The following PCDHA11 variants were observed in gnomAD, a reference collection of about 807,000 sequenced individuals.
PCDHA11 encodes the protein protocadherin alpha-11.
PCDHA11 carries 61 observed loss-of-function variants against 70.3 expected under a neutral mutation model. That is an observed-to-expected ratio of 0.87 (90% CI 0.71 to 1.07). PCDHA11 has a LOEUF of 1.07. Ranked by LOEUF, PCDHA11 falls within the 50% of genes least tolerant of loss-of-function variation. PCDHA11 has a pLI of 0.00. For synonymous variants in PCDHA11, 633 were observed against 555.1 expected, an observed-to-expected ratio of 1.14 and a Z score of -1.97; for missense variants, 1,324 against 1,237.5, an observed-to-expected ratio of 1.07 and a Z score of -1.05.
In PCDHA11 at chr5:141,009,726, C is replaced by A. The variant is rs373683237; in HGVS notation, c.2639C>A (p.Pro880His). Residue 880 changes from proline to histidine, a missense_variant, in exon 4 of 4, where the codon CCC (proline) becomes CAC (histidine). By Grantham distance (77) the Pro-to-His change is moderately conservative (BLOSUM62 -2). Coordinates refer to ENST00000398640, the MANE Select transcript of PCDHA11 (RefSeq NM_018902.5). ...YGPGNPKQSGPGELPDKFIIP... is the reference protein window; with the variant it reads ...YGPGNPKQSGHGELPDKFIIP... The stretch of plus-strand genomic sequence containing the variant: ...CCAGGCAACCCCAAACAATCCGGTC[C>A]CGGTGAGTTGCCCGACAAATTCATT... 85 of 1,614,016 alleles carry A rather than the reference C, an allele frequency of 5.3e-5. No individual in the cohort carries two copies. Among genetic ancestry groups the A allele is most frequent in the Non-Finnish European group, 4.4e-5 (52 of 1,180,032 alleles).
chr5:140,926,884 A>G, intron 1 of PCDHA11: 7 of 1,542,402 alleles, frequency 4.5e-6, no homozygotes, highest in Non-Finnish European at 6.1e-6. Flanking sequence ...GTGGACGCCT[A>G]GAGGGAGGAT....
intron 1 of PCDHA11, among the ~76,000 whole-genome samples, chr5:140,906,048 C>A (rs1482228569): frequency 1.3e-5 from 2 of 152,170 alleles, no homozygotes; most frequent in South Asian, 2.1e-4. Context: ...TTTATTCTGG[C>A]TGCACTGGCA....
intron 1 of PCDHA11, among the ~76,000 whole-genome samples, chr5:140,908,608 G>T (rs1350424326): frequency 6.6e-6 from 1 of 152,182 alleles, no homozygotes; most frequent in African/African-American, 2.4e-5. Flanking sequence ...GAAGGGCCTT[G>T]CTCCAAAATC....
chr5:140,970,293 T>C (rs2096396195), intron 1 of PCDHA11, among the ~76,000 whole-genome samples: 3 of 152,220 alleles, frequency 2.0e-5, no homozygotes, highest in Admixed American at 2.0e-4. Context: ...TTTCAAGTCC[T>C]TCATGTCTTT....
intron 1 of PCDHA11, among the ~76,000 whole-genome samples, chr5:140,891,305 C>T (rs2063030266): frequency 6.6e-6 from 1 of 152,042 alleles, no homozygotes; most frequent in South Asian, 2.1e-4. Context: ...TATTTGATTA[C>T]ATGAGTAAGT....
chr5:140,875,143 G>A (rs2055292608), intron 1 of PCDHA11, among the ~76,000 whole-genome samples: 1 of 152,174 alleles, frequency 6.6e-6, no homozygotes, highest in Non-Finnish European at 1.5e-5. Context: ...ATTTATAAAT[G>A]ATCCGTGAAA....
intron 1 of PCDHA11, among the ~76,000 whole-genome samples, chr5:140,965,210 T>C (rs1554227481): frequency 6.6e-6 from 1 of 152,214 alleles, no homozygotes; most frequent in Non-Finnish European, 1.5e-5. Context: ...TTCAAATTCC[T>C]GTGGAAGAAA....
chr5:140,876,920 A>G (rs782247870), intron 1 of PCDHA11: 1 of 1,613,928 alleles, frequency 6.2e-7, no homozygotes, highest in Non-Finnish European at 8.5e-7. Context: ...TGGGACGCGG[A>G]CGCGCAGAAG....
chr5:140,878,848 G>T (rs1477391344), intron 1 of PCDHA11, among the ~76,000 whole-genome samples: 1 of 152,138 alleles, frequency 6.6e-6, no homozygotes, highest in Non-Finnish European at 1.5e-5. Context: ...GAACTTCTGG[G>T]TTCAACTGAT....
chr5:140,962,171 G>T (rs1218733161), intron 1 of PCDHA11, among the ~76,000 whole-genome samples: 1 of 151,902 alleles, frequency 6.6e-6, no homozygotes, highest in Admixed American at 6.6e-5. Flanking sequence ...CACCACACCC[G>T]GCCACTTATA....
rs1563185469 is a variant in PCDHA11 at position 140,941,211 on chromosome 5, CTTCCTTT to C, written c.2392-37737_2392-37731del. On this transcript the variant is annotated intron_variant, in intron 1 of 3. Coordinates refer to ENST00000398640, the MANE Select transcript of PCDHA11 (RefSeq NM_018902.5). The stretch of plus-strand genomic sequence containing the variant: ...TTTTTTTTTCTTTCTTCCTTTCTTT[CTTCCTTT>C]CTTTCTTTCTTTCTTTCTTTCTTTC... Among the ~76,000 whole-genome samples, 1,009 of 129,652 alleles carry C rather than the reference CTTCCTTT, an allele frequency of 7.8e-3. 14 individuals are homozygous for C. Among genetic ancestry groups the C allele is most frequent in the Middle Eastern group, 0.036 (9 of 248 alleles). 85.1% of individuals were successfully genotyped at this position (129,652 alleles called of 152,430 possible).
At position 140,870,391 on chromosome 5, in the gene PCDHA11, G is replaced by C; in HGVS notation, c.1288G>C (p.Gly430Arg). ...YELVVTARDG[G>R]SPSLWATARV... ...ACTGGTGGTGACTGCGCGGGATGGG[G>C]GTTCGCCTTCTCTGTGGGCCACGGC... The change falls in exon 1 of 4, where the codon GGT becomes CGT. Residue 430 changes from glycine (G) to arginine (R), a missense_variant. Transcript: ENST00000398640. 6.2e-7 allele frequency: 1 copy of C among 1,614,230 alleles called. No individual in the cohort carries two copies. The highest frequency in any genetic ancestry group is 8.5e-7 in the Non-Finnish European group (1 of 1,180,040).
intron 1 of PCDHA11, among the ~76,000 whole-genome samples, chr5:140,908,711 T>A (rs951399125): frequency 6.6e-6 from 1 of 152,144 alleles, no homozygotes; most frequent in African/African-American, 2.4e-5. Flanking sequence ...CACCATTGGA[T>A]CTGCTGGGTC....
chr5:140,870,875 C>A lies in PCDHA11; in HGVS notation c.1772C>A (p.Ala591Glu), dbSNP rs1235290760. ...TCGGTGGGTGCGGGCCACGTGGTGGCGAAGGTGCGCGCAGTGGATGCGGAC... is the reference window on the plus strand; with the variant it reads ...TCGGTGGGTGCGGGCCACGTGGTGGAGAAGGTGCGCGCAGTGGATGCGGAC... ...PRSVGAGHVV[A>E]KVRAVDADSG... is the part of the protein sequence containing the mutation. The change falls in exon 1 of 4, where the codon GCG becomes GAG. Residue 591 changes from alanine to glutamate, a missense_variant. Transcript: ENST00000398640. 1 of 1,613,912 alleles carries A rather than the reference C, an allele frequency of 6.2e-7. No individual in the cohort carries two copies. Among genetic ancestry groups the A allele is most frequent in the Non-Finnish European group, 8.5e-7 (1 of 1,179,908 alleles).
intron 1 of PCDHA11, chr5:140,882,816 A>G (rs2059323174): frequency 1.9e-6 from 3 of 1,614,266 alleles, no homozygotes; most frequent in Non-Finnish European, 1.7e-6. Flanking sequence ...TTGGACGCAC[A>G]AAACAGTCTT....
chr5:140,899,531 CA>C (rs2067387177), intron 1 of PCDHA11, among the ~76,000 whole-genome samples: 1 of 152,140 alleles, frequency 6.6e-6, no homozygotes, highest in Non-Finnish European at 1.5e-5. Context: ...GGATGAAGCC[CA>C]CTTGATCATG....
chr5:140,929,174 G>C, intron 1 of PCDHA11: 1 of 1,614,140 alleles, frequency 6.2e-7, no homozygotes, highest in South Asian at 1.1e-5. Flanking sequence ...GCCTCTCTGG[G>C]ACTTGGTTCT....
intron 1 of PCDHA11, among the ~76,000 whole-genome samples, chr5:140,977,305 AC>A (rs1424604910): frequency 6.6e-6 from 1 of 152,258 alleles, no homozygotes; most frequent in African/African-American, 2.4e-5. Flanking sequence ...TGACAAGCTA[AC>A]GATAGTGCTC....
At chr5:140,996,929 C>T (rs1437008519) in intron 3 of PCDHA11, among the ~76,000 whole-genome samples, 2 of 152,070 alleles carry the variant, frequency 1.3e-5, no homozygotes, top group African/African-American at 2.4e-5. Flanking sequence ...AAAAATATAG[C>T]ATTTTTGCAT....
Sources: allele counts gnomAD v4.1 joint callset (sites outside exome capture counted in the v4.1 genomes callset), GRCh38; gene constraint gnomAD v4.1.1; transcripts MANE v1.5; gene names NCBI Gene and HGNC (gene_info 2026-07-23, HGNC 2026-07-21).